Variants in GARNL3 observed in about 807,000 individuals in gnomAD.
The protein encoded by GARNL3 is GTPase-activating Rap/Ran-GAP domain-like protein 3.
Under a neutral mutation model 125.0 loss-of-function variants are expected in GARNL3, and 63 were observed. The ratio of observed to expected loss-of-function variants is 0.50; its 90% CI spans 0.41 to 0.62. GARNL3 has a LOEUF of 0.62. Among genes scored for constraint, GARNL3 ranks in the 20% least tolerant of loss-of-function variants. The probability of loss-of-function intolerance (pLI) is 0.00; values close to 1 mark genes in which losing one functional copy is unlikely to be tolerated. For synonymous variants in GARNL3, 439 were observed against 457.5 expected, an observed-to-expected ratio of 0.96 and a Z score of 0.52; for missense variants, 994 against 1,244.0, an observed-to-expected ratio of 0.80 and a Z score of 3.02.
At chr9:127,311,442 C>T (rs1378543802) in intron 2 of GARNL3, among the ~76,000 whole-genome samples, 194 bp from the exon 3 acceptor site, 2 of 152,094 alleles carry the variant, frequency 1.3e-5, no homozygotes, top group African/African-American at 2.4e-5. Flanking sequence ...TTTCCTACAC[C>T]CCAAAGGCCT....
chr9:127,248,694 A>T (rs1234878595), intron 2 of GARNL3, among the ~76,000 whole-genome samples: 3 of 124,448 alleles, frequency 2.4e-5, no homozygotes, highest in Non-Finnish European at 3.2e-5. Context: ...TGCAGCCTCC[A>T]TTTCCTGGGC....
At chr9:127,308,586 ATAAAGAC>A (rs2065017306) in intron 2 of GARNL3, among the ~76,000 whole-genome samples, 1 of 152,224 alleles carries the variant, frequency 6.6e-6, no homozygotes. Context: ...TGTCAATGTC[ATAAAGAC>A]AAAGAGTCAG....
At chr9:127,244,152 A>G (rs1463642038) in intron 2 of GARNL3, among the ~76,000 whole-genome samples, 1 of 152,208 alleles carries the variant, frequency 6.6e-6, no homozygotes, top group African/African-American at 2.4e-5. Flanking sequence ...GTGAAGGAAG[A>G]CACTTTGTCT....
intron 16 of GARNL3, among the ~76,000 whole-genome samples, chr9:127,345,756 T>C (rs542648214): frequency 6.6e-6 from 1 of 152,364 alleles, no homozygotes; most frequent in African/African-American, 2.4e-5. Flanking sequence ...AAGCTTTATG[T>C]GCATACACAT....
chr9:127,278,772 C>T (rs28464715), intron 1 of GARNL3, among the ~76,000 whole-genome samples: 8,909 of 152,214 alleles, frequency 0.059, 857 homozygotes, highest in African/African-American at 0.2. Flanking sequence ...CATCCTCCCT[C>T]TGAGGGCCGT....
intron 1 of GARNL3, among the ~76,000 whole-genome samples, chr9:127,284,174 T>G (rs1018274720): frequency 1.3e-5 from 2 of 152,216 alleles, no homozygotes; most frequent in Non-Finnish European, 2.9e-5. Context: ...GGCAGTGTTG[T>G]GACAAGATCT....
intron 9 of GARNL3, among the ~76,000 whole-genome samples, chr9:127,334,108 C>G (rs1829417581): frequency 6.6e-6 from 1 of 152,044 alleles, no homozygotes; most frequent in Admixed American, 6.5e-5. Flanking sequence ...GGGTTTCTGC[C>G]CTGGGTAGCT....
chr9:127,240,842 A>G (rs1812164720), intron 1 of GARNL3, among the ~76,000 whole-genome samples: 1 of 152,228 alleles, frequency 6.6e-6, no homozygotes, highest in South Asian at 2.1e-4. Context: ...TGGGAAGTCA[A>G]AGCTATAGTG....
At chr9:127,371,452 G>T (rs1307791470) in intron 22 of GARNL3, among the ~76,000 whole-genome samples, 1 of 152,208 alleles carries the variant, frequency 6.6e-6, no homozygotes, top group Non-Finnish European at 1.5e-5. Context: ...TGGGAAGCAC[G>T]GAAGGAACTG....
At chr9:127,337,610 A>C (rs1829625025) in intron 11 of GARNL3, among the ~76,000 whole-genome samples, 1 of 152,220 alleles carries the variant, frequency 6.6e-6, no homozygotes, top group South Asian at 2.1e-4. Context: ...AGCACAAGCT[A>C]AGTAGATTCT....
chr9:127,261,275 T>C (rs928534005), upstream of GARNL3, among the ~76,000 whole-genome samples: 3 of 151,926 alleles, frequency 2.0e-5, no homozygotes, highest in African/African-American at 7.2e-5. Context: ...GAATCTTCTA[T>C]GTGGTCATTT....
Position 127,294,113 on chromosome 9 carries a change from C to T in GARNL3, c.219+2871C>T, listed in dbSNP as rs1265019476. Among the ~76,000 whole-genome samples, 4 of 152,156 alleles carry T rather than the reference C, an allele frequency of 2.6e-5. 1 individual carries two copies. The highest frequency in any genetic ancestry group is 3.9e-4 in the East Asian group (2 of 5,190). On this transcript the variant is annotated intron_variant, in intron 2 of 27. Coordinates refer to ENST00000373387, the MANE Select transcript of GARNL3 (RefSeq NM_032293.5). ...GGGCTCCTATTGGACTTGCCTACCC[C>T]AGTGGGTCTTGGGATTTGACTCTTT...
At chr9:127,285,827 A>G (rs1426278066) in intron 1 of GARNL3, among the ~76,000 whole-genome samples, 2 of 151,986 alleles carry the variant, frequency 1.3e-5, no homozygotes, top group Non-Finnish European at 2.9e-5. Context: ...TTTTTGTCCC[A>G]ATTTGCCTAG....
chr9:127,342,648 G>A (rs956100672), intron 14 of GARNL3, among the ~76,000 whole-genome samples: 5 of 152,090 alleles, frequency 3.3e-5, no homozygotes, highest in African/African-American at 1.2e-4. Flanking sequence ...TTTTTTTGGG[G>A]TGGCTGTTCT....
intron 1 of GARNL3, among the ~76,000 whole-genome samples, chr9:127,275,026 G>A (rs957187708): frequency 2.6e-5 from 4 of 152,118 alleles, no homozygotes; most frequent in African/African-American, 9.7e-5. Context: ...AGATAAGCAA[G>A]ACCAGGCTCA....
chr9:127,335,112 T>TA, intron 9 of GARNL3, 118 bp from the exon 10 acceptor site: 1 of 710,520 alleles, frequency 1.4e-6, no homozygotes, highest in Non-Finnish European at 2.4e-6. Flanking sequence ...TGCAGGTGGA[T>TA]AATCCAAATA....
intron 2 of GARNL3, among the ~76,000 whole-genome samples, chr9:127,308,488 A>G (rs1208449635): frequency 2.0e-5 from 3 of 152,104 alleles, no homozygotes; most frequent in South Asian, 4.2e-4. Flanking sequence ...GCAACACACA[A>G]TTTGCCCATG....
At chr9:127,314,767 A>G (rs1228580205) in intron 4 of GARNL3, among the ~76,000 whole-genome samples, 1 of 152,224 alleles carries the variant, frequency 6.6e-6, no homozygotes, top group Admixed American at 6.5e-5. Flanking sequence ...GATACTGTCT[A>G]TATGACATTA....
chr9:127,295,358 C>A (rs2064556322), intron 2 of GARNL3, among the ~76,000 whole-genome samples: 1 of 152,216 alleles, frequency 6.6e-6, no homozygotes, highest in Non-Finnish European at 1.5e-5. Context: ...GCATGAGTTC[C>A]TGCATCAGCT....
Sources: gnomAD v4.1 joint callset for allele counts (sites outside exome capture counted in the v4.1 genomes callset) on GRCh38, gnomAD v4.1.1 for gene constraint, MANE v1.5 for transcripts, NCBI Gene and HGNC (gene_info 2026-07-23, HGNC 2026-07-21) for gene names.